Variants in MACROD2 observed in about 807,000 individuals in gnomAD.
MACROD2 encodes the protein ADP-ribose glycohydrolase MACROD2.
A neutral mutation model predicts 70.4 loss-of-function variants in MACROD2; 36 were observed. The ratio of observed to expected loss-of-function variants is 0.51; its 90% CI spans 0.39 to 0.68. MACROD2 has a LOEUF of 0.68. Ranked by LOEUF, MACROD2 falls within the 30% of genes least tolerant of loss-of-function variation. The pLI is 0.00. For synonymous variants in MACROD2, 172 were observed against 178.8 expected (o/e 0.96, Z 0.30); for missense variants, 496 against 538.4 (o/e 0.92, Z 0.78).
chr20:15,156,639 C>T (rs2076308757), intron 5 of MACROD2, among the ~76,000 whole-genome samples: 1 of 152,134 alleles, frequency 6.6e-6, no homozygotes, highest in African/African-American at 2.4e-5. Context: ...GGAACAACCA[C>T]CCTAGGCCTG....
chr20:14,990,520 T>TC (rs2074892756), intron 5 of MACROD2, among the ~76,000 whole-genome samples: 2 of 148,502 alleles, frequency 1.3e-5, no homozygotes, highest in African/African-American at 5.0e-5. Context: ...TTTTTCTTTT[T>TC]TTTTTTTTTT....
chr20:15,808,399 A>G (rs1241748786), intron 8 of MACROD2, among the ~76,000 whole-genome samples: 1 of 152,218 alleles, frequency 6.6e-6, no homozygotes, highest in Non-Finnish European at 1.5e-5. Context: ...ATAAACCCAT[A>G]TAATTAATAA....
chr20:14,900,581 C>T (rs1294521783), intron 5 of MACROD2, among the ~76,000 whole-genome samples: 1 of 151,766 alleles, frequency 6.6e-6, no homozygotes, highest in Non-Finnish European at 1.5e-5. Context: ...TCTTGCTTAT[C>T]TAATTTATTG....
intron 12 of MACROD2, 36 bp downstream of exon 12, chr20:15,937,580 C>T: frequency 1.9e-6 from 3 of 1,580,078 alleles, no homozygotes; most frequent in Non-Finnish European, 2.6e-6. Context: ...TAATTGCAGA[C>T]TCTTAAAAGA....
Position 14,837,684 on chromosome 20 carries a change from A to G in MACROD2, c.418+152725A>G, listed in dbSNP as rs989024607. Among the ~76,000 whole-genome samples the G allele has an allele frequency of 2.0e-5, 3 of 152,198 alleles. No individual in the cohort carries two copies. The East Asian group carries it at 5.8e-4, about 29-fold the overall frequency. Reference sequence around the variant, plus strand: ...ACTAAACAAAATAATTATTTTGATCAATCTTTACCAACTAACTAGCAAAAT... The same window carrying G: ...ACTAAACAAAATAATTATTTTGATCGATCTTTACCAACTAACTAGCAAAAT... On this transcript the variant is annotated intron_variant, in intron 5 of 17. Coordinates refer to ENST00000684519, the MANE Select transcript of MACROD2 (RefSeq NM_001351661.2).
At chr20:15,806,719 A>G (rs1015676253) in intron 8 of MACROD2, among the ~76,000 whole-genome samples, 1 of 152,170 alleles carries the variant, frequency 6.6e-6, no homozygotes, top group South Asian at 2.1e-4. Flanking sequence ...GTGTGGAGGA[A>G]TGGGCATTCA....
At chr20:15,527,465 T>A (rs936973088) in intron 8 of MACROD2, among the ~76,000 whole-genome samples, 1 of 152,202 alleles carries the variant, frequency 6.6e-6, no homozygotes, top group Non-Finnish European at 1.5e-5. Flanking sequence ...GGTTTATGCA[T>A]TAACTATTTA....
chr20:14,792,723 T>G lies in MACROD2; in HGVS notation c.418+107764T>G, dbSNP rs142701225. On this transcript the variant is annotated intron_variant, in intron 5 of 17. Transcript: ENST00000684519. ...TCCCTTCCTCTGAGTTAAAGTAACATCCTAGATTTATCACCATATTGGAAA... is the reference window on the plus strand; with the variant it reads ...TCCCTTCCTCTGAGTTAAAGTAACAGCCTAGATTTATCACCATATTGGAAA... Among the ~76,000 whole-genome samples the G allele has an allele frequency of 2.9e-3, 448 of 152,140 alleles. 2 individuals carry two copies. Among genetic ancestry groups the G allele is most frequent in the Middle Eastern group, 6.8e-3 (2 of 294 alleles).
intron 8 of MACROD2, among the ~76,000 whole-genome samples, chr20:15,679,551 C>A (rs759107787): frequency 6.6e-6 from 1 of 152,156 alleles, no homozygotes; most frequent in African/African-American, 2.4e-5. Context: ...AGAAGTGATG[C>A]TGTGCAGGTT....
chr20:15,730,617 T>C (rs1421060018), intron 8 of MACROD2, among the ~76,000 whole-genome samples: 1 of 152,088 alleles, frequency 6.6e-6, no homozygotes. Context: ...TGCCTTTAAC[T>C]GTTTTTCTTT....
At chr20:16,010,523 G>GA (rs932222809) in intron 15 of MACROD2, among the ~76,000 whole-genome samples, 7 of 151,856 alleles carry the variant, frequency 4.6e-5, no homozygotes, top group Admixed American at 1.3e-4. Flanking sequence ...CTAAGAATAG[G>GA]AAAAAAAATA....
intron 15 of MACROD2, among the ~76,000 whole-genome samples, chr20:15,993,320 G>A (rs956151637): frequency 2.6e-5 from 4 of 151,442 alleles, no homozygotes; most frequent in South Asian, 2.1e-4. Context: ...ACAACAGATC[G>A]TATATGTCCC....
chr20:15,528,977 A>G (rs1280451494), intron 8 of MACROD2, among the ~76,000 whole-genome samples: 1 of 152,154 alleles, frequency 6.6e-6, no homozygotes, highest in Non-Finnish European at 1.5e-5. Flanking sequence ...TTACTGCTCT[A>G]ACAAAGACAC....
intron 4 of MACROD2, among the ~76,000 whole-genome samples, chr20:14,541,988 C>T (rs543099986): frequency 6.6e-6 from 1 of 152,276 alleles, no homozygotes; most frequent in East Asian, 1.9e-4. Context: ...TTTTAATAAA[C>T]CACATAATGT....
chr20:15,012,194 C>G lies in MACROD2; in HGVS notation c.419-217746C>G, dbSNP rs559088320. On this transcript the variant is annotated intron_variant, in intron 5 of 17. Transcript: ENST00000684519. ...TGGTGGGAACTAAACAAAGAAAACA[C>G]CAATTATGGCAAACCATCGTGAACA... 2.0e-5 allele frequency among the ~76,000 whole-genome samples: 3 copies of G among 152,220 alleles called. No homozygotes were observed. In the East Asian group the frequency reaches 5.8e-4, roughly 29 times the overall value.
intron 3 of MACROD2, among the ~76,000 whole-genome samples, chr20:14,449,054 G>A (rs1915069589): frequency 6.6e-6 from 1 of 152,052 alleles, no homozygotes; most frequent in Non-Finnish European, 1.5e-5. Context: ...TGAAGAAACT[G>A]AAGAAAGAGG....
rs576245551 is a variant in MACROD2 at position 14,449,575 on chromosome 20, C to T, written c.272-43904C>T. Among the ~76,000 whole-genome samples the T allele has an allele frequency of 1.1e-4, 16 of 152,120 alleles. No homozygotes were observed. The South Asian group carries it at 3.3e-3, about 32-fold the overall frequency. On this transcript the variant is annotated intron_variant, in intron 3 of 17. Transcript: ENST00000684519. ...TGTCAAATGTGGAGTACAAACAAAG[C>T]TGAGTGTTAGTAGTGATGAGGAAAT...
intron 3 of MACROD2, among the ~76,000 whole-genome samples, chr20:14,123,292 T>C (rs1387982219): frequency 2.6e-5 from 4 of 152,200 alleles, no homozygotes; most frequent in Non-Finnish European, 5.9e-5. Context: ...ATAGGACCTT[T>C]AGTTACCTCT....
chr20:14,470,311 G>T (rs1169340725), intron 3 of MACROD2, among the ~76,000 whole-genome samples: 2 of 152,146 alleles, frequency 1.3e-5, no homozygotes, highest in African/African-American at 4.8e-5. Context: ...CATGGTTTCA[G>T]AGGGGCATCT....
Sources: gnomAD v4.1 joint callset for allele counts (sites outside exome capture counted in the v4.1 genomes callset) on GRCh38, gnomAD v4.1.1 for gene constraint, MANE v1.5 for transcripts, NCBI Gene and HGNC (gene_info 2026-07-23, HGNC 2026-07-21) for gene names.